Variants in MCM9 observed in about 807,000 individuals in gnomAD.
The protein encoded by MCM9 is minichromosome maintenance 9 homologous recombination repair factor.
In MCM9, 55 loss-of-function variants were observed where a neutral mutation model predicts 72.8. The observed-to-expected ratio is 0.76, with a 90% CI of 0.61 to 0.95. The LOEUF is 0.95. Among genes scored for constraint, MCM9 ranks in the 40% least tolerant of loss-of-function variants. MCM9 has a pLI of 0.00. For synonymous variants in MCM9, 480 were observed against 503.4 expected, an observed-to-expected ratio of 0.95 and a Z score of 0.62; for missense variants, 1,279 against 1,377.0, an observed-to-expected ratio of 0.93 and a Z score of 1.13.
chr6:118,856,475 A>G lies in MCM9; in HGVS notation c.1221T>C (p.Asp407=). Residue 407 remains aspartate, a synonymous_variant, in exon 9 of 14, where the codon GAT becomes GAC. Transcript: ENST00000619706. ...NLEAGALVLA[D]AGLCCIDEFN... The stretch of plus-strand genomic sequence containing the variant: ...ACTCATCAATACAGCAAAGGCCCGC[A>G]TCTGCAAGAACTAATGCCCCAGCCT... 2.0e-6 allele frequency: 3 copies of G among 1,535,678 alleles called. No individual in the cohort carries two copies. The East Asian group carries it at 7.3e-5, about 38-fold the overall frequency.
intron 9 of MCM9, among the ~76,000 whole-genome samples, chr6:118,853,765 C>T (rs867177235): frequency 5.9e-5 from 9 of 152,172 alleles, no homozygotes; most frequent in Non-Finnish European, 1.0e-4. Flanking sequence ...GGCCTCTGTA[C>T]TCTAACTTGG....
intron 6 of MCM9, among the ~76,000 whole-genome samples, chr6:118,917,109 G>A (rs369181394): frequency 6.6e-6 from 1 of 152,086 alleles, no homozygotes; most frequent in Non-Finnish European, 1.5e-5. Flanking sequence ...AAAGCTTATC[G>A]TCTGCATCTT....
chr6:118,916,432 CATTATTATTATTATTATTATTATTATT>C (rs60745084), intron 6 of MCM9, among the ~76,000 whole-genome samples: 1 of 142,394 alleles, frequency 7.0e-6, no homozygotes, highest in African/African-American at 2.5e-5. Flanking sequence ...GAAATGGAAG[CATTATTATTATTATTATTATTATTATT>C]ATTATTATTA....
At chr6:118,917,062 C>T (rs1369937286) in intron 6 of MCM9, among the ~76,000 whole-genome samples, 3 of 152,098 alleles carry the variant, frequency 2.0e-5, no homozygotes, top group Admixed American at 2.0e-4. Context: ...TGTAATTACA[C>T]CTGAATGTCA....
At chr6:118,911,978 A>C in intron 7 of MCM9, 1 of 399,012 alleles carries the variant, frequency 2.5e-6, no homozygotes, top group Non-Finnish European at 4.5e-6. Flanking sequence ...TTCTATTAAT[A>C]AATTATGTGC....
chr6:118,888,200 C>T (rs1199872936), intron 8 of MCM9, among the ~76,000 whole-genome samples: 1 of 151,996 alleles, frequency 6.6e-6, no homozygotes, highest in Non-Finnish European at 1.5e-5. Context: ...AAAAAACAGT[C>T]TGGTGGCCGG....
intron 8 of MCM9, among the ~76,000 whole-genome samples, chr6:118,879,193 A>C (rs1778128380): frequency 6.6e-6 from 1 of 152,178 alleles, no homozygotes; most frequent in African/African-American, 2.4e-5. Context: ...AATTACATTA[A>C]ATGGAAACAG....
At chr6:118,911,263 T>C (rs961103587) in intron 8 of MCM9, 24 of 989,908 alleles carry the variant, frequency 2.4e-5, no homozygotes, top group Non-Finnish European at 2.9e-5. Context: ...ATCAGATTTA[T>C]GAGCATGAAA....
intron 8 of MCM9, among the ~76,000 whole-genome samples, chr6:118,887,096 C>T (rs1778653801): frequency 6.6e-6 from 1 of 152,014 alleles, no homozygotes; most frequent in Admixed American, 6.5e-5. Flanking sequence ...CAATGCAATC[C>T]CTATCACAAT....
At position 118,867,878 on chromosome 6, in the gene MCM9, TC is replaced by T. The variant is rs1777320782; in HGVS notation, c.1151-11334del. ...ATTAATTATATTTCTTTTTTCTTTT[TC>T]TTTTTCTTTTTTTTTGAGATGAAGT... On this transcript the variant is annotated intron_variant, in intron 8 of 13. Coordinates refer to ENST00000619706, the MANE Select transcript of MCM9 (RefSeq NM_017696.3). Among the ~76,000 whole-genome samples the T allele has an allele frequency of 7.7e-5, 5 of 64,962 alleles. No homozygotes were observed. The East Asian group carries it at 1.3e-3, about 16-fold the overall frequency. The allele number at this position is 64,962 out of a possible 152,430, so 42.6% of individuals were successfully genotyped here. A position where few individuals can be genotyped will look rare whatever the true frequency, so the allele number is the denominator to read the frequency against.
In MCM9 at chr6:118,843,690, A is replaced by ATATATATATG. The variant is rs1775635611; in HGVS notation, c.1325+12680_1325+12681insCATATATATA. Among the ~76,000 whole-genome samples the ATATATATATG allele has an allele frequency of 1.0e-4, 3 of 29,934 alleles. 1 individual carries two copies. The highest frequency in any genetic ancestry group is 1.2e-3 in the East Asian group (1 of 858). The allele number at this position is 29,934 out of a possible 152,430, so 19.6% of individuals were successfully genotyped here. A position where few individuals can be genotyped will look rare whatever the true frequency, so the allele number is the denominator to read the frequency against. ...TATATGTATGTATATATATATGTGT[A>ATATATATATG]TATATATATATATGTATGTATATAT... On this transcript the variant is annotated intron_variant, in intron 9 of 13. Coordinates refer to ENST00000619706, the MANE Select transcript of MCM9 (RefSeq NM_017696.3).
intron 9 of MCM9, among the ~76,000 whole-genome samples, chr6:118,841,388 C>A (rs763847333): frequency 6.6e-6 from 1 of 152,152 alleles, no homozygotes; most frequent in Non-Finnish European, 1.5e-5. Flanking sequence ...CTCTGGCCCC[C>A]CCTTAACCAG....
At chr6:118,869,734 A>T (rs1485546955) in intron 8 of MCM9, among the ~76,000 whole-genome samples, 1 of 152,068 alleles carries the variant, frequency 6.6e-6, no homozygotes, top group Non-Finnish European at 1.5e-5. Context: ...GATAAAAAAG[A>T]CCTAACATAG....
intron 8 of MCM9, among the ~76,000 whole-genome samples, chr6:118,874,337 T>C (rs940542975): frequency 5.3e-5 from 8 of 152,116 alleles, no homozygotes; most frequent in African/African-American, 1.9e-4. Flanking sequence ...ACAATATCAA[T>C]AGATGCAGAA....
chr6:118,860,070 G>T (rs1776806149), intron 8 of MCM9, among the ~76,000 whole-genome samples: 1 of 152,122 alleles, frequency 6.6e-6, no homozygotes, highest in Non-Finnish European at 1.5e-5. Flanking sequence ...AGTACATCAT[G>T]TCTACCTTTC....
chr6:118,897,683 T>G (rs1376943164), intron 8 of MCM9, among the ~76,000 whole-genome samples: 6 of 152,126 alleles, frequency 3.9e-5, no homozygotes, highest in African/African-American at 1.4e-4. Flanking sequence ...GGTAAATCAT[T>G]TAATCATGAT....
chr6:118,814,780 G>C lies in MCM9; in HGVS notation c.*44C>G. ...CATATTGATATCCTGAAGGTCCTCT[G>C]TGGAGTTGAAGAAGGTGAGATTTGA... is the stretch of plus-strand genomic sequence containing the variant. On this transcript the variant is annotated 3_prime_UTR_variant, in exon 14 of 14. Coordinates refer to ENST00000619706, the MANE Select transcript of MCM9 (RefSeq NM_017696.3). The C allele has an allele frequency of 6.9e-7, 1 of 1,457,444 alleles. No individual in the cohort carries two copies. The allele number at this position is 1,457,444 out of a possible 1,614,324, so 90.3% of individuals were successfully genotyped here. A position where few individuals can be genotyped will look rare whatever the true frequency, so the allele number is the denominator to read the frequency against.
intron 3 of MCM9, among the ~76,000 whole-genome samples, chr6:118,930,796 A>C (rs904049917): frequency 1.1e-4 from 17 of 152,322 alleles, no homozygotes; most frequent in African/African-American, 4.1e-4. Context: ...CTTTTCCCTA[A>C]AATTCTTAAG....
chr6:118,863,934 C>A (rs527804163), intron 8 of MCM9, among the ~76,000 whole-genome samples: 2 of 151,774 alleles, frequency 1.3e-5, no homozygotes, highest in Admixed American at 6.6e-5. Flanking sequence ...TATTAATCCA[C>A]CTCTATCAAT....
Sources: gnomAD v4.1 joint callset for allele counts (sites outside exome capture counted in the v4.1 genomes callset) on GRCh38, gnomAD v4.1.1 for gene constraint, MANE v1.5 for transcripts, NCBI Gene and HGNC (gene_info 2026-07-23, HGNC 2026-07-21) for gene names.